KIRREL3: variants seen among roughly 807,000 people sequenced by gnomAD.
KIRREL3 encodes kirre like nephrin family adhesion molecule 3, also known as kin of IRRE-like protein 3.
Under a neutral mutation model 89.7 loss-of-function variants are expected in KIRREL3, and 36 were observed. That is an observed-to-expected ratio of 0.40 (90% CI 0.31 to 0.53). The LOEUF is 0.53. Ranked by LOEUF, KIRREL3 falls within the 20% of genes least tolerant of loss-of-function variation. KIRREL3 has a pLI of 0.49. For synonymous variants in KIRREL3, 445 were observed against 441.4 expected (o/e 1.01, Z -0.10); for missense variants, 864 against 1,056.6 (o/e 0.82, Z 2.53).
intron 1 of KIRREL3, among the ~76,000 whole-genome samples, chr11:126,803,432 G>C (rs1022768034): frequency 6.6e-6 from 1 of 152,018 alleles, no homozygotes; most frequent in Non-Finnish European, 1.5e-5. Flanking sequence ...CAAAGGATTG[G>C]TGTTAGGAAA....
chr11:126,542,211 C>A (rs1389572423), intron 2 of KIRREL3, among the ~76,000 whole-genome samples: 1 of 152,150 alleles, frequency 6.6e-6, no homozygotes, highest in Admixed American at 6.5e-5. Flanking sequence ...CTCTCTGAGC[C>A]TGCATGGAGA....
At chr11:126,439,817 C>CA (rs1245130046) in intron 11 of KIRREL3, among the ~76,000 whole-genome samples, 1 of 150,340 alleles carries the variant, frequency 6.7e-6, no homozygotes, top group African/African-American at 2.4e-5. Flanking sequence ...GACTCCATCT[C>CA]AAAAAACAAA....
rs1489916847 is a variant in KIRREL3, at chr11:126,686,167, G to C, written c.56-123255C>G. On this transcript the variant is annotated intron_variant, in intron 1 of 16. Transcript: ENST00000525144. This position sits in a 1 kb window ranked among gnomAD's most constrained non-coding sequence, Gnocchi z 4.7. ...GGCAGGGTCTCTGCGTTCTGCCTTT[G>C]TGTTGAGCTTCTCCTCCACAGCCCA... Among the ~76,000 whole-genome samples the C allele has an allele frequency of 2.0e-5, 3 of 152,180 alleles. No individual in the cohort carries two copies. The highest frequency in any genetic ancestry group is 7.2e-5 in the African/African-American group (3 of 41,446).
At position 126,428,361 on chromosome 11, in the gene KIRREL3, T is replaced by G. The variant is rs942334811; in HGVS notation, c.1806+818A>C. ...GGACAACTAGGTAGATGATGGCCCA[T>G]AAATGGGGATTCGGAAGAGGAGGAG... On this transcript the variant is annotated intron_variant, in intron 15 of 16. Transcript: ENST00000525144. This position sits in a 1 kb window ranked among gnomAD's most constrained non-coding sequence, Gnocchi z 6.4. Among the ~76,000 whole-genome samples, 2 of 152,110 alleles carry G rather than the reference T, an allele frequency of 1.3e-5. No homozygotes were observed. The highest frequency in any genetic ancestry group is 1.3e-4 in the Admixed American group (2 of 15,270).
At chr11:126,483,757 C>T (rs985584926) in intron 4 of KIRREL3, among the ~76,000 whole-genome samples, 2 of 152,246 alleles carry the variant, frequency 1.3e-5, no homozygotes, top group African/African-American at 4.8e-5. Flanking sequence ...TACAAATACA[C>T]GCTTTGGCTT....
chr11:126,939,534 C>A (rs961704387), intron 1 of KIRREL3, among the ~76,000 whole-genome samples: 1 of 152,164 alleles, frequency 6.6e-6, no homozygotes, highest in Admixed American at 6.5e-5. Context: ...ACTCTCCTGG[C>A]CACCTTAAGT....
At chr11:126,451,572 ATGTGTGTGTGCG>A (rs1956165013) in intron 7 of KIRREL3, among the ~76,000 whole-genome samples, 1 of 136,192 alleles carries the variant, frequency 7.3e-6, no homozygotes, top group South Asian at 2.3e-4. Flanking sequence ...GATCATGTGC[ATGTGTGTGTGCG>A]TGTGTGTACA....
intron 1 of KIRREL3, among the ~76,000 whole-genome samples, chr11:126,637,791 A>G (rs1944323234): frequency 6.6e-6 from 1 of 152,338 alleles, no homozygotes; most frequent in African/African-American, 2.4e-5. Context: ...TTATCCATCT[A>G]TCCATCTAGG....
At position 126,432,899 on chromosome 11, in the gene KIRREL3, G is replaced by A. The variant is rs1365707443; in HGVS notation, c.1589-1373C>T. The stretch of plus-strand genomic sequence containing the variant: ...GCAGTTCACGGTCTTTTATTTTTGG[G>A]ATGGAGTCTGGCTGTGACACCCAGG... On this transcript the variant is annotated intron_variant, in intron 13 of 16. Transcript: ENST00000525144. The surrounding 1 kb of genome is among the most constrained non-coding windows in gnomAD (Gnocchi z 6.2). 2.0e-5 allele frequency among the ~76,000 whole-genome samples: 3 copies of A among 152,126 alleles called. No individual in the cohort carries two copies. Among genetic ancestry groups the A allele is most frequent in the Non-Finnish European group, 4.4e-5 (3 of 68,020 alleles).
rs1565695434 is a variant in KIRREL3, at chr11:126,743,178, A to AAAC, written c.56-180267_56-180266insGTT. Among the ~76,000 whole-genome samples the AAAC allele has an allele frequency of 3.2e-4, 49 of 151,968 alleles. No homozygotes were observed. The East Asian group carries it at 3.5e-3, about 11-fold the overall frequency. ...GCAAACAAACAAACAAACAAACAAAAAAAACAGCACAAAGAGATGACTTGG... is the reference window on the plus strand; with the variant it reads ...GCAAACAAACAAACAAACAAACAAAAAACAAAACAGCACAAAGAGATGACTTGG... On this transcript the variant is annotated intron_variant, in intron 1 of 16. Transcript: ENST00000525144.
chr11:126,941,975 AAAAGAAC>A (rs1173361030), intron 1 of KIRREL3, among the ~76,000 whole-genome samples: 2 of 152,250 alleles, frequency 1.3e-5, no homozygotes, highest in Admixed American at 6.5e-5. Flanking sequence ...TGCCAGTCTG[AAAAGAAC>A]AAAGGAGCAG....
rs182916444 is a variant in KIRREL3 at position 126,710,238 on chromosome 11, G to A, written c.56-147326C>T. On this transcript the variant is annotated intron_variant, in intron 1 of 16. Transcript: ENST00000525144. This position sits in a 1 kb window ranked among gnomAD's most constrained non-coding sequence, Gnocchi z 4.2. ...GGCCCTGACCAACAGGTGGCTTCTCGGAGCAGTGCCTTGTCTTAGGGGGGC... is the reference window on the plus strand; with the variant it reads ...GGCCCTGACCAACAGGTGGCTTCTCAGAGCAGTGCCTTGTCTTAGGGGGGC... Among the ~76,000 whole-genome samples, 18 of 152,274 alleles carry A rather than the reference G, an allele frequency of 1.2e-4. No homozygotes were observed. The highest frequency in any genetic ancestry group is 5.2e-4 in the Admixed American group (8 of 15,292).
chr11:126,585,752 T>C (rs1941808088), intron 1 of KIRREL3, among the ~76,000 whole-genome samples: 1 of 152,162 alleles, frequency 6.6e-6, no homozygotes, highest in Non-Finnish European at 1.5e-5. Flanking sequence ...TGTCTGTTCG[T>C]CTGTCCAGAA....
rs375058647 is a variant in KIRREL3, at chr11:126,699,916, G to A, written c.56-137004C>T. Among the ~76,000 whole-genome samples the A allele has an allele frequency of 5.1e-4, 77 of 152,204 alleles. 1 individual carries two copies. The highest frequency in any genetic ancestry group is 1.7e-3 in the African/African-American group (69 of 41,530). ...TTATCAGATAAATAAAAATAAGGCCGGACATGGAGGCTCATGTGTGTAATC... is the reference window on the plus strand; with the variant it reads ...TTATCAGATAAATAAAAATAAGGCCAGACATGGAGGCTCATGTGTGTAATC... On this transcript the variant is annotated intron_variant, in intron 1 of 16. Transcript: ENST00000525144.
chr11:126,995,240 C>T lies in KIRREL3; in HGVS notation c.55+5215G>A. The T allele has an allele frequency of 2.2e-6, 1 of 456,144 alleles. No individual in the cohort carries two copies. The highest frequency in any genetic ancestry group is 4.4e-6 in the Non-Finnish European group (1 of 226,958). 28.3% of individuals were successfully genotyped at this position (456,144 alleles called of 1,614,324 possible). A position where few individuals can be genotyped will look rare whatever the true frequency, so the allele number is the denominator to read the frequency against. On this transcript the variant is annotated intron_variant, in intron 1 of 16. Transcript: ENST00000525144. This position sits in a 1 kb window ranked among gnomAD's most constrained non-coding sequence, Gnocchi z 6.5. ...CAAGAGTGCTGGGATGTCCGCTGGCCTCGAGGCAAGACAAGAGCTCCAATC... is the reference window on the plus strand; with the variant it reads ...CAAGAGTGCTGGGATGTCCGCTGGCTTCGAGGCAAGACAAGAGCTCCAATC...
At position 126,609,206 on chromosome 11, in the gene KIRREL3, G is replaced by T. The variant is rs1943018955; in HGVS notation, c.56-46294C>A. On this transcript the variant is annotated intron_variant, in intron 1 of 16. Transcript: ENST00000525144. This position sits in a 1 kb window ranked among gnomAD's most constrained non-coding sequence, Gnocchi z 5.0. Reference sequence around the variant, plus strand: ...GACCTCAGGAAAGGGGTGCGGGGAAGGTTGGGTTCAGAAGGAGAGACTCTC... The same window carrying T: ...GACCTCAGGAAAGGGGTGCGGGGAATGTTGGGTTCAGAAGGAGAGACTCTC... 6.6e-6 allele frequency among the ~76,000 whole-genome samples: 1 copy of T among 152,114 alleles called. No individual in the cohort carries two copies. The highest frequency in any genetic ancestry group is 1.5e-5 in the Non-Finnish European group (1 of 68,036).
Position 126,459,720 on chromosome 11 carries a change from G to A in KIRREL3, c.743-3266C>T, listed in dbSNP as rs568363183. On this transcript the variant is annotated intron_variant, in intron 6 of 16. Transcript: ENST00000525144. The surrounding 1 kb of genome is among the most constrained non-coding windows in gnomAD (Gnocchi z 4.8). ...TGTTAGTGTTTCCATCCGCCCGTGT[G>A]TGCGTGTGTCCATGTGTGTGTGTTT... 8.5e-5 allele frequency among the ~76,000 whole-genome samples: 13 copies of A among 152,300 alleles called. No homozygotes were observed. Among genetic ancestry groups the A allele is most frequent in the Middle Eastern group, 3.4e-3 (1 of 294 alleles).
Position 126,768,165 on chromosome 11 carries a change from C to CATCCA in KIRREL3, c.56-205258_56-205254dup, listed in dbSNP as rs1272997101. Among the ~76,000 whole-genome samples the CATCCA allele has an allele frequency of 8.0e-6, 1 of 124,734 alleles. No individual in the cohort carries two copies. The highest frequency in any genetic ancestry group is 8.5e-5 in the Admixed American group (1 of 11,812). 81.8% of individuals were successfully genotyped at this position (124,734 alleles called of 152,430 possible). ...CCATCCATCCATCCATCCATCCATC[C>CATCCA]ATCCAATCCATCCATCCATCCATCC... On this transcript the variant is annotated intron_variant, in intron 1 of 16. Transcript: ENST00000525144. This position sits in a 1 kb window ranked among gnomAD's most constrained non-coding sequence, Gnocchi z 4.5.
intron 2 of KIRREL3, among the ~76,000 whole-genome samples, chr11:126,539,175 A>C (rs1017401209): frequency 1.3e-5 from 2 of 152,152 alleles, no homozygotes; most frequent in African/African-American, 4.8e-5. Context: ...GTTGTTTGTG[A>C]GAATGAAATA....
Sources: allele counts gnomAD v4.1 joint callset (sites outside exome capture counted in the v4.1 genomes callset), GRCh38; gene constraint gnomAD v4.1.1; non-coding constraint Gnocchi (gnomAD v3.1); transcripts MANE v1.5; gene names NCBI Gene and HGNC (gene_info 2026-07-23, HGNC 2026-07-21).